Variants in RTN4 observed in about 807,000 individuals in gnomAD.
The protein encoded by RTN4 is reticulon-4.
In RTN4, 32 loss-of-function variants were observed where a neutral mutation model predicts 90.4. The ratio of observed to expected loss-of-function variants is 0.35; its 90% confidence interval spans 0.27 to 0.48. RTN4 has a LOEUF of 0.48. Among genes scored for constraint, RTN4 ranks in the 20% least tolerant of loss-of-function variants. The pLI, the probability that RTN4 is intolerant of heterozygous loss-of-function variation, is 0.99. For missense variants in RTN4, 1,706 were observed against 1,430.2 expected (o/e 1.19, Z -3.11); for synonymous variants, 629 against 552.5 (o/e 1.14, Z -1.94).
chr2:54,987,739 T>C, intron 3 of RTN4, 41 bp from the exon 4 acceptor site: 2 of 1,509,686 alleles, frequency 1.3e-6, no homozygotes, highest in Non-Finnish European at 1.8e-6. Flanking sequence ...AATGTTATTT[T>C]ATCAATTTGG....
At chr2:55,001,973 T>G (rs1293617518) in intron 3 of RTN4, among the ~76,000 whole-genome samples, 2 of 152,190 alleles carry the variant, frequency 1.3e-5, no homozygotes, top group African/African-American at 4.8e-5. Flanking sequence ...CTAAATTATG[T>G]TAAGAATGAA....
At chr2:55,010,599 G>A (rs1254224140) in intron 3 of RTN4, 1 of 153,904 alleles carries the variant, frequency 6.5e-6, no homozygotes, top group Non-Finnish European at 1.4e-5. Flanking sequence ...AAAATTAATG[G>A]TTACCTAATA....
chr2:55,049,861 G>A lies in RTN4; in HGVS notation c.440C>T (p.Pro147Leu), dbSNP rs1250917306. The A allele has an allele frequency of 2.3e-6, 3 of 1,317,714 alleles. No individual in the cohort carries two copies. In the African/African-American group the frequency reaches 4.6e-5, roughly 20 times the overall value. 81.6% of individuals were successfully genotyped at this position (1,317,714 alleles called of 1,614,324 possible). A position where few individuals can be genotyped will look rare whatever the true frequency, so the allele number is the denominator to read the frequency against. ...DEPPARPPPPPPASVSPQAEP... is the reference protein window; with the variant it reads ...DEPPARPPPPLPASVSPQAEP... ...TGCCTGGGGGCTCACGCTGGCCGGG[G>A]GAGGAGGGGGAGGCCGGGCCGGAGG... The change falls in exon 1 of 9, where the codon CCC becomes CTC. Residue 147 changes from proline to leucine, a missense_variant. Physicochemically the swap from Pro to Leu is moderately conservative, Grantham distance 98. Coordinates refer to ENST00000337526, the MANE Select transcript of RTN4 (RefSeq NM_020532.5).
intron 1 of RTN4, among the ~76,000 whole-genome samples, chr2:55,099,111 T>G (rs1406142329): frequency 6.6e-6 from 1 of 152,146 alleles, no homozygotes; most frequent in South Asian, 2.1e-4. Context: ...CTTTGTTGTT[T>G]AGTGGCTGAA....
chr2:55,024,322 T>C (rs1681658670), intron 3 of RTN4, among the ~76,000 whole-genome samples: 1 of 152,194 alleles, frequency 6.6e-6, no homozygotes, highest in South Asian at 2.1e-4. Flanking sequence ...CAGCAACTGG[T>C]CTACCACTGT....
chr2:55,066,190 TGTTTGTGTGTG>T (rs1558865050), intron 2 of RTN4, among the ~76,000 whole-genome samples: 9 of 133,858 alleles, frequency 6.7e-5, no homozygotes, highest in African/African-American at 2.8e-4. Flanking sequence ...TGTGTGTGTG[TGTTTGTGTGTG>T]TGTGTGTGTG....
At chr2:55,032,321 C>T (rs1025778476) in intron 1 of RTN4, among the ~76,000 whole-genome samples, 3 of 152,074 alleles carry the variant, frequency 2.0e-5, no homozygotes, top group East Asian at 1.9e-4. Flanking sequence ...TCAAGTGATC[C>T]GCCAGCCTCA....
rs547873768 is a variant in RTN4, at chr2:55,032,459, C to G, written c.557-4239G>C. On this transcript the variant is annotated intron_variant, in intron 1 of 8. Coordinates refer to ENST00000337526, the MANE Select transcript of RTN4 (RefSeq NM_020532.5). ...GAAAAAGACAGACATATAGAGTAGA[C>G]AGGGAATCTTGGTGGAGAAATATAG... 3.9e-5 allele frequency among the ~76,000 whole-genome samples: 6 copies of G among 151,956 alleles called. No homozygotes were observed. The East Asian group carries it at 1.2e-3, about 29-fold the overall frequency.
chr2:55,071,745 C>A (rs550466797), intron 2 of RTN4, among the ~76,000 whole-genome samples: 4 of 152,030 alleles, frequency 2.6e-5, no homozygotes, highest in Admixed American at 6.6e-5. Context: ...TGTCAAAAAA[C>A]CACAAACAAA....
chr2:55,026,796 C>G lies in RTN4; in HGVS notation c.1303G>C (p.Glu435Gln). 3 of 1,613,838 alleles carry G rather than the reference C, an allele frequency of 1.9e-6. No homozygotes were observed. The highest frequency in any genetic ancestry group is 2.5e-6 in the Non-Finnish European group (3 of 1,179,832). ...TCATTACTACTCTCACTATCTTTTT[C>G]GTGATTAGTTTGCTCAAGGCTATCT... ...FADSLEQTNHEKDSESSNDDT... is the reference protein window; with the variant it reads ...FADSLEQTNHQKDSESSNDDT... The change falls in exon 3 of 9, where the codon GAA (glutamate) becomes CAA (glutamine). Residue 435 changes from glutamate (E) to glutamine (Q), a missense_variant. Transcript: ENST00000337526.
At chr2:55,002,538 T>G (rs1486303705) in intron 3 of RTN4, among the ~76,000 whole-genome samples, 1 of 152,058 alleles carries the variant, frequency 6.6e-6, no homozygotes, top group African/African-American at 2.4e-5. Context: ...GTTTACTTCA[T>G]TAGTTCATGT....
intron 2 of RTN4, among the ~76,000 whole-genome samples, chr2:55,064,436 C>T (rs548651737): frequency 1.6e-3 from 245 of 151,284 alleles, no homozygotes; most frequent in Non-Finnish European, 3.0e-3. Context: ...CTGCAACCTC[C>T]GCCTCCCGGG....
At position 55,049,794 on chromosome 2, in the gene RTN4, G is replaced by C. The variant is rs1667995774; in HGVS notation, c.507C>G (p.Pro169=). 2 of 1,310,680 alleles carry C rather than the reference G, an allele frequency of 1.5e-6. No individual in the cohort carries two copies. The highest frequency in any genetic ancestry group is 1.5e-5 in the African/African-American group (1 of 64,676). 81.2% of individuals were successfully genotyped at this position (1,310,680 alleles called of 1,614,324 possible). The change falls in exon 1 of 9, where the codon CCC becomes CCG. Residue 169 remains proline (P), a synonymous_variant. Coordinates refer to ENST00000337526, the MANE Select transcript of RTN4 (RefSeq NM_020532.5). The part of the protein sequence containing the change: ...WTPPAPAPAA[P]PSTPAAPKRR... ...GCTTGGGCGCGGCCGGGGTGGAGGGGGGCGCGGCGGGAGCCGGGGCTGGCG... is the reference window on the plus strand; with the variant it reads ...GCTTGGGCGCGGCCGGGGTGGAGGGCGGCGCGGCGGGAGCCGGGGCTGGCG...
chr2:55,011,177 G>A (rs1261397840), intron 3 of RTN4, among the ~76,000 whole-genome samples: 2 of 152,040 alleles, frequency 1.3e-5, no homozygotes, highest in African/African-American at 4.8e-5. Flanking sequence ...GTGCCACCAT[G>A]CCCAGTTAAT....
At chr2:55,104,882 C>T (rs1465728103) in intron 1 of RTN4, among the ~76,000 whole-genome samples, 2 of 152,032 alleles carry the variant, frequency 1.3e-5, no homozygotes, top group Non-Finnish European at 2.9e-5. Context: ...TCTTGGTTCA[C>T]TGCAACCTCA....
intron 2 of RTN4, among the ~76,000 whole-genome samples, chr2:55,061,397 G>T (rs556516481): frequency 5.7e-4 from 87 of 152,228 alleles, no homozygotes; most frequent in African/African-American, 2.0e-3. Flanking sequence ...GCTGACAGTA[G>T]TAATAATTCC....
chr2:55,030,771 T>G (rs1682246927), intron 1 of RTN4, among the ~76,000 whole-genome samples: 1 of 152,224 alleles, frequency 6.6e-6, no homozygotes, highest in South Asian at 2.1e-4. Flanking sequence ...TGCTTCATCT[T>G]CTGAAGGATG....
chr2:55,083,509 A>C (rs1164641410), intron 1 of RTN4, among the ~76,000 whole-genome samples: 1 of 152,222 alleles, frequency 6.6e-6, no homozygotes, highest in Non-Finnish European at 1.5e-5. Context: ...AGAAGAAAAA[A>C]AAACAACCAG....
At chr2:55,053,492 G>C (rs1410628894), upstream of RTN4, among the ~76,000 whole-genome samples, 1 of 151,738 alleles carries the variant, frequency 6.6e-6, no homozygotes, top group East Asian at 1.9e-4. Flanking sequence ...TTTGAGACCA[G>C]CCTGGCCAAC....
Sources: gnomAD v4.1 joint callset for allele counts (sites outside exome capture counted in the v4.1 genomes callset) on GRCh38, gnomAD v4.1.1 for gene constraint, MANE v1.5 for transcripts, NCBI Gene and HGNC (gene_info 2026-07-23, HGNC 2026-07-21) for gene names.